LRPPRC: variants seen among roughly 807,000 people sequenced by gnomAD.
The protein encoded by LRPPRC is leucine-rich PPR motif-containing protein, mitochondrial.
In LRPPRC, 120 loss-of-function variants were observed where a neutral mutation model predicts 180.3. The ratio of observed to expected loss-of-function variants is 0.67; its 90% CI spans 0.57 to 0.77. LRPPRC has a LOEUF of 0.77. Ranked by LOEUF, LRPPRC falls within the 30% of genes least tolerant of loss-of-function variation. The pLI is 0.00. For synonymous variants in LRPPRC, 723 were observed against 600.0 expected, an observed-to-expected ratio of 1.21 and a Z score of -3.00; for missense variants, 2,012 against 1,657.2, an observed-to-expected ratio of 1.21 and a Z score of -3.72.
chr2:43,995,110 GCA>G (rs1484260758), intron 1 of LRPPRC, among the ~76,000 whole-genome samples: 6 of 151,842 alleles, frequency 4.0e-5, no homozygotes, highest in African/African-American at 1.5e-4. Flanking sequence ...GCATGGTGGC[GCA>G]CACCTGTAAT....
At chr2:43,960,751 TA>T (rs1437364502) in intron 12 of LRPPRC, 117 bp from the exon 13 acceptor site, 2 of 728,680 alleles carry the variant, frequency 2.7e-6, no homozygotes, top group East Asian at 5.0e-5. Context: ...TCTAGAAAAA[TA>T]GATAAGCTCA....
Position 43,973,770 on chromosome 2 carries a change from G to C in LRPPRC, c.1261+25C>G, listed in dbSNP as rs771937752. On this transcript the variant is annotated intron_variant, in intron 10 of 37. Coordinates refer to ENST00000260665, the MANE Select transcript of LRPPRC (RefSeq NM_133259.4). ...CTACCTCAGCAAAACTTCCTTACTTGGCTTTAACTTTAAGAATGTAGTACC... is the reference window on the plus strand; with the variant it reads ...CTACCTCAGCAAAACTTCCTTACTTCGCTTTAACTTTAAGAATGTAGTACC... 1.7e-5 allele frequency: 27 copies of C among 1,600,972 alleles called. No homozygotes were observed. The South Asian group carries it at 2.8e-4, about 16-fold the overall frequency.
In LRPPRC at chr2:43,949,597, G is replaced by A. The variant is rs373476696; in HGVS notation, c.1735+5C>T. 79 of 1,611,766 alleles carry A rather than the reference G, an allele frequency of 4.9e-5. 1 individual carries two copies. The South Asian group carries it at 5.8e-4, about 12-fold the overall frequency. On this transcript the variant is annotated splice_donor_5th_base_variant and intron_variant, in intron 16 of 37. Transcript: ENST00000260665. ...AAGTTACAATCATCGAAATTGAAAC[G>A]CTACCCGTCGGTCCTCGAGGCTCCT...
intron 12 of LRPPRC, among the ~76,000 whole-genome samples, chr2:43,960,934 C>T (rs1559016672): frequency 6.6e-6 from 1 of 152,092 alleles, no homozygotes; most frequent in Non-Finnish European, 1.5e-5. Flanking sequence ...AGATTCAATG[C>T]ATTAATCTAA....
intron 11 of LRPPRC, among the ~76,000 whole-genome samples, chr2:43,966,247 T>TA (rs60292399): frequency 2.5e-3 from 353 of 141,086 alleles, no homozygotes; most frequent in Non-Finnish European, 3.4e-3. Flanking sequence ...TGGAATCTAC[T>TA]AAAAAAAAAA....
At chr2:43,990,247 T>C (rs951524570) in intron 1 of LRPPRC, among the ~76,000 whole-genome samples, 5 of 152,002 alleles carry the variant, frequency 3.3e-5, no homozygotes, top group Non-Finnish European at 7.4e-5. Flanking sequence ...TCAGCATCTA[T>C]TCTAAAGGTA....
chr2:43,979,095 T>A (rs1674186805), intron 3 of LRPPRC, among the ~76,000 whole-genome samples: 1 of 152,120 alleles, frequency 6.6e-6, no homozygotes, highest in African/African-American at 2.4e-5. Flanking sequence ...AACATTAAAT[T>A]GTATTAAACC....
In LRPPRC at chr2:43,975,170, C is replaced by G. The variant is rs902165955; in HGVS notation, c.785G>C (p.Gly262Ala). 2 of 1,613,462 alleles carry G rather than the reference C, an allele frequency of 1.2e-6. No homozygotes were observed. The highest frequency in any genetic ancestry group is 3.3e-4 in the Middle Eastern group (2 of 6,060). Residue 262 changes from glycine (G) to alanine (A), a missense_variant, in exon 7 of 38, where the codon GGA (glycine) becomes GCA (alanine). Physicochemically the swap from Gly to Ala is moderately conservative, Grantham distance 60. Coordinates refer to ENST00000260665, the MANE Select transcript of LRPPRC (RefSeq NM_133259.4). ...GTATGTGTCTGGACCAGGCTCAATTCCGGCATCTCTCATCACTGTGAGAAT... is the reference window on the plus strand; with the variant it reads ...GTATGTGTCTGGACCAGGCTCAATTGCGGCATCTCTCATCACTGTGAGAAT... ...ENILTVMRDA[G>A]IEPGPDTYLA... is the part of the protein sequence containing the mutation.
intron 23 of LRPPRC, 120 bp from the exon 24 acceptor site, chr2:43,934,998 G>A: frequency 9.6e-5 from 68 of 705,708 alleles, no homozygotes; most frequent in South Asian, 2.3e-4. Flanking sequence ...CTTTACTTAA[G>A]GTAGAAAACC....
At chr2:43,994,268 T>C (rs1203282390) in intron 1 of LRPPRC, among the ~76,000 whole-genome samples, 2 of 152,228 alleles carry the variant, frequency 1.3e-5, no homozygotes, top group African/African-American at 4.8e-5. Flanking sequence ...AAATTACAAG[T>C]ACGCTCCATT....
At chr2:43,921,488 T>C (rs1671697912) in intron 27 of LRPPRC, among the ~76,000 whole-genome samples, 1 of 151,838 alleles carries the variant, frequency 6.6e-6, no homozygotes, top group South Asian at 2.1e-4. Flanking sequence ...AATGTAGAAA[T>C]GTAGAATGTG....
chr2:43,925,670 C>T (rs1220768014), intron 26 of LRPPRC, among the ~76,000 whole-genome samples: 3 of 152,136 alleles, frequency 2.0e-5, no homozygotes, highest in Non-Finnish European at 4.4e-5. Context: ...CTCCAACCAA[C>T]TAGTTAAAGA....
intron 14 of LRPPRC, among the ~76,000 whole-genome samples, chr2:43,956,550 G>A (rs960580260): frequency 1.3e-5 from 2 of 150,028 alleles, no homozygotes; most frequent in Admixed American, 1.4e-4. Flanking sequence ...GGGTATGAGA[G>A]AAAGTAGACA....
chr2:43,902,373 CT>C (rs1670920037), intron 31 of LRPPRC: 1 of 152,128 alleles, frequency 6.6e-6, no homozygotes, highest in Non-Finnish European at 1.5e-5. Flanking sequence ...ACAATCACCC[CT>C]ACCATTATCG....
At chr2:43,971,446 G>C (rs2103701617) in intron 11 of LRPPRC, among the ~76,000 whole-genome samples, 1 of 117,962 alleles carries the variant, frequency 8.5e-6, no homozygotes, top group South Asian at 2.7e-4. Context: ...TTATTATACA[G>C]GGCACATGCC....
chr2:43,960,405 A>G lies in LRPPRC; in HGVS notation c.1582+136T>C, dbSNP rs1673295679. ...TCCAAATTATCCACAAGTTCAACTC[A>G]TAAACCGTTTTATCAGTCTGGCTTT... is the stretch of plus-strand genomic sequence containing the variant. On this transcript the variant is annotated intron_variant, in intron 13 of 37. Coordinates refer to ENST00000260665, the MANE Select transcript of LRPPRC (RefSeq NM_133259.4). The G allele has an allele frequency of 4.4e-6, 3 of 683,040 alleles. No homozygotes were observed. The South Asian group carries it at 4.7e-5, about 11-fold the overall frequency. 42.3% of individuals were successfully genotyped at this position (683,040 alleles called of 1,614,324 possible).
intron 27 of LRPPRC, among the ~76,000 whole-genome samples, chr2:43,919,337 A>G (rs1276749994): frequency 1.3e-5 from 2 of 152,170 alleles, no homozygotes; most frequent in Admixed American, 1.3e-4. Context: ...TATAGTACAC[A>G]GCTGTGGTGT....
intron 14 of LRPPRC, among the ~76,000 whole-genome samples, chr2:43,952,805 T>TA (rs1396747654): frequency 6.6e-6 from 1 of 152,194 alleles, no homozygotes; most frequent in Non-Finnish European, 1.5e-5. Flanking sequence ...AAGAATCCCA[T>TA]AAATTGTGAA....
chr2:43,890,581 C>CG (rs1303759699), intron 36 of LRPPRC, among the ~76,000 whole-genome samples: 1 of 152,072 alleles, frequency 6.6e-6, no homozygotes, highest in Non-Finnish European at 1.5e-5. Flanking sequence ...GGCGTGGTGG[C>CG]GGGTGTCTGT....
Sources: gnomAD v4.1 joint callset for allele counts (sites outside exome capture counted in the v4.1 genomes callset) on GRCh38, gnomAD v4.1.1 for gene constraint, MANE v1.5 for transcripts, NCBI Gene and HGNC (gene_info 2026-07-23, HGNC 2026-07-21) for gene names.